The following CELSR1 variants were observed in gnomAD, a reference collection of about 807,000 sequenced individuals.
CELSR1 encodes adhesion G protein-coupled receptor C1.
In CELSR1, 110 loss-of-function variants were observed where a neutral mutation model predicts 249.1. The observed-to-expected ratio is 0.44, with a 90% confidence interval of 0.38 to 0.52. CELSR1 has a LOEUF of 0.52. Among genes scored for constraint, CELSR1 ranks in the 20% least tolerant of loss-of-function variants. The pLI is 0.00. For synonymous variants in CELSR1, 2,113 were observed against 1,900.0 expected (o/e 1.11, Z -2.92); for missense variants, 4,109 against 4,296.4 (o/e 0.96, Z 1.22).
rs1162407015 is a variant in CELSR1, at chr22:46,448,469, CGCTGGGAACGT to C, written c.4184-9069_4184-9059del. ...AGGACCTGGGGGAGGGCTGGGAACG[CGCTGGGAACGT>C]GCCCCAGGAGGGGAAGGGCGTGTAA... On this transcript the variant is annotated intron_variant, in intron 2 of 34. Coordinates refer to ENST00000674500, the MANE Select transcript of CELSR1 (RefSeq NM_001378328.1). The surrounding 1 kb of genome is among the most constrained non-coding windows in gnomAD (Gnocchi z 5.7). The C allele has an allele frequency of 5.5e-6, 2 of 361,942 alleles. No homozygotes were observed. Among genetic ancestry groups the C allele is most frequent in the South Asian group, 2.2e-5 (1 of 46,012 alleles). The allele number at this position is 361,942 out of a possible 1,614,324, so 22.4% of individuals were successfully genotyped here. A position where few individuals can be genotyped will look rare whatever the true frequency, so the allele number is the denominator to read the frequency against.
In CELSR1 at chr22:46,409,022, C is replaced by G. The variant is rs763774925; in HGVS notation, c.5200G>C (p.Gly1734Arg). Residue 1734 changes from glycine (G) to arginine (R), a missense_variant, in exon 9 of 35, where the codon GGT becomes CGT. Around this residue, in one of 7 missense-constraint regions of CELSR1, gnomAD observed 1,805 missense variants for 1,831.6 expected, o/e 0.99. Coordinates refer to ENST00000674500, the MANE Select transcript of CELSR1 (RefSeq NM_001378328.1). This position sits in a 1 kb window ranked among gnomAD's most constrained non-coding sequence, Gnocchi z 9.8. ...TGGAGGCGAAAGCTGGTGGGCCCAC[C>G]ACTGGTGGCCTCCATCAGAACGCTG... ...EDSVLMEATS[G>R]GPTSFRLQIL... is the part of the protein sequence containing the mutation. The G allele has an allele frequency of 5.9e-5, 95 of 1,611,596 alleles. 1 individual carries two copies. The highest frequency in any genetic ancestry group is 4.9e-4 in the South Asian group (44 of 90,676).
chr22:46,507,072 G>C (rs1319318601), intron 1 of CELSR1, among the ~76,000 whole-genome samples: 1 of 152,150 alleles, frequency 6.6e-6, no homozygotes, highest in African/African-American at 2.4e-5. Flanking sequence ...TATAATCCCA[G>C]CTACTCGGGA....
chr22:46,442,441 G>A (rs779682436), intron 2 of CELSR1, among the ~76,000 whole-genome samples: 35 of 152,226 alleles, frequency 2.3e-4, no homozygotes, highest in Non-Finnish European at 4.7e-4. Context: ...CTGAGGCCTT[G>A]TATACCTGCA....
At chr22:46,387,522 G>T (rs2079045376) in intron 18 of CELSR1, among the ~76,000 whole-genome samples, 2 of 145,688 alleles carry the variant, frequency 1.4e-5, no homozygotes, top group Admixed American at 1.3e-4. Flanking sequence ...CCGCCCAGCT[G>T]ATTTTTTTCA....
At chr22:46,503,877 T>A (rs200105821) in intron 1 of CELSR1, among the ~76,000 whole-genome samples, 1,155 of 51,042 alleles carry the variant, frequency 0.023, 19 homozygotes, top group African/African-American at 0.052. Flanking sequence ...AACTAAAAAA[T>A]TTTAAAAGTA....
At chr22:46,504,936 C>T (rs866958560) in intron 1 of CELSR1, among the ~76,000 whole-genome samples, 3 of 152,292 alleles carry the variant, frequency 2.0e-5, no homozygotes, top group African/African-American at 7.2e-5. Context: ...TATTGCAATA[C>T]ATCAACACAG....
At chr22:46,492,118 C>T (rs956362758) in intron 1 of CELSR1, among the ~76,000 whole-genome samples, 2 of 152,186 alleles carry the variant, frequency 1.3e-5, no homozygotes, top group African/African-American at 4.8e-5. Context: ...ATGGCAGAAG[C>T]AGGACGTTCC....
At position 46,390,612 on chromosome 22, in the gene CELSR1, G is replaced by C. The variant is rs1202930503; in HGVS notation, c.6251-126C>G. 1 of 726,076 alleles carries C rather than the reference G, an allele frequency of 1.4e-6. No individual in the cohort carries two copies. The highest frequency in any genetic ancestry group is 2.9e-5 in the East Asian group (1 of 34,380). The allele number at this position is 726,076 out of a possible 1,614,324, so 45.0% of individuals were successfully genotyped here. ...TGCGTGGTGGTTAGAACCCCATGGG[G>C]GCCAGGAGGTCGACACCAGCGCCCC... On this transcript the variant is annotated intron_variant, in intron 16 of 34. Transcript: ENST00000674500. This position sits in a 1 kb window ranked among gnomAD's most constrained non-coding sequence, Gnocchi z 6.3.
In CELSR1 at chr22:46,364,507, G is replaced by C. The variant is rs377317451; in HGVS notation, c.8779+5C>G. On this transcript the variant is annotated splice_donor_5th_base_variant and intron_variant, in intron 33 of 34. Transcript: ENST00000674500. The stretch of plus-strand genomic sequence containing the variant: ...TTTCACTGCAGCCCCGGCCTCCCCA[G>C]GCACCTTTCCTCTGCTCTGGGGGCT... 3.2e-5 allele frequency: 52 copies of C among 1,606,802 alleles called. No individual in the cohort carries two copies. Among genetic ancestry groups the C allele is most frequent in the African/African-American group, 2.7e-4 (20 of 74,786 alleles).
chr22:46,519,753 A>G (rs2080665964), intron 1 of CELSR1, among the ~76,000 whole-genome samples: 1 of 152,180 alleles, frequency 6.6e-6, no homozygotes, highest in African/African-American at 2.4e-5. Context: ...CCTTGCACCC[A>G]GGGCCCCTAA....
intron 1 of CELSR1, among the ~76,000 whole-genome samples, chr22:46,504,792 T>C (rs1472345156): frequency 6.6e-6 from 1 of 152,186 alleles, no homozygotes; most frequent in Non-Finnish European, 1.5e-5. Flanking sequence ...ATTTCACTTC[T>C]GAAAATTTAT....
In CELSR1 at chr22:46,534,233, T is replaced by A; in HGVS notation, c.2938A>T (p.Ser980Cys). Reference sequence around the variant, plus strand: ...GTCACCTGGATTTCTACCGAGGCGCTAAGGGGAGTGGGACTGCCCCGATCC... The same window carrying A: ...GTCACCTGGATTTCTACCGAGGCGCAAAGGGGAGTGGGACTGCCCCGATCC... ...AVDRGSPTPL[S>C]ASVEIQVTIL... Residue 980 changes from serine to cysteine, a missense_variant, in exon 1 of 35, where the codon AGC (serine) becomes TGC (cysteine). By Grantham distance (112) the Ser-to-Cys change is moderately radical. Around this residue, in one of 7 missense-constraint regions of CELSR1, gnomAD observed 886 missense variants for 896.5 expected, o/e 0.99. Coordinates refer to ENST00000674500, the MANE Select transcript of CELSR1 (RefSeq NM_001378328.1). This position sits in a 1 kb window ranked among gnomAD's most constrained non-coding sequence, Gnocchi z 9.7. 6.2e-7 allele frequency: 1 copy of A among 1,613,688 alleles called. No homozygotes were observed. Among genetic ancestry groups the A allele is most frequent in the Non-Finnish European group, 8.5e-7 (1 of 1,180,026 alleles).
At chr22:46,495,348 C>T (rs1266691978) in intron 1 of CELSR1, among the ~76,000 whole-genome samples, 1 of 152,150 alleles carries the variant, frequency 6.6e-6, no homozygotes, top group Non-Finnish European at 1.5e-5. Context: ...ATAGAAAAGG[C>T]ACAGTGAGAA....
At chr22:46,368,536 C>G (rs375322182) in intron 27 of CELSR1, among the ~76,000 whole-genome samples, 1 of 151,702 alleles carries the variant, frequency 6.6e-6, no homozygotes, top group Non-Finnish European at 1.5e-5. Flanking sequence ...AGCCCCTGCG[C>G]AAGCATTATC....
Position 46,535,423 on chromosome 22 carries a change from G to A in CELSR1, c.1748C>T (p.Pro583Leu), listed in dbSNP as rs770314564. 6.2e-7 allele frequency: 1 copy of A among 1,608,080 alleles called. No homozygotes were observed. The highest frequency in any genetic ancestry group is 1.1e-5 in the South Asian group (1 of 90,244). ...GTCCACCGCCTGAATGTGCACCACGGGGTAGCCCAGGGGCACATTCTCCAG... is the reference window on the plus strand; with the variant it reads ...GTCCACCGCCTGAATGTGCACCACGAGGTAGCCCAGGGGCACATTCTCCAG... Reference protein sequence around the residue: ...TVLENVPLGYPVVHIQAVDAD... With the variant: ...TVLENVPLGYLVVHIQAVDAD... Residue 583 changes from proline to leucine, a missense_variant, in exon 1 of 35, where the codon CCC becomes CTC. Around this residue, in one of 7 missense-constraint regions of CELSR1, gnomAD observed 886 missense variants for 896.5 expected, o/e 0.99. Transcript: ENST00000674500.
At position 46,391,932 on chromosome 22, in the gene CELSR1, G is replaced by C; in HGVS notation, c.5965-116C>G. The C allele has an allele frequency of 9.0e-7, 1 of 1,110,498 alleles. No homozygotes were observed. The highest frequency in any genetic ancestry group is 1.5e-5 in the South Asian group (1 of 64,696). 68.8% of individuals were successfully genotyped at this position (1,110,498 alleles called of 1,614,324 possible). On this transcript the variant is annotated intron_variant, in intron 14 of 34. Transcript: ENST00000674500. This position sits in a 1 kb window ranked among gnomAD's most constrained non-coding sequence, Gnocchi z 4.3. ...ACCCGGGTGTGTGTGTTGGCCGCCA[G>C]CCATCCCACCCCTCATGGCTACCCT...
rs1009100560 is a variant in CELSR1 at position 46,454,146 on chromosome 22, G to A, written c.4183+9561C>T. Among the ~76,000 whole-genome samples, 1 of 152,162 alleles carries A rather than the reference G, an allele frequency of 6.6e-6. No homozygotes were observed. The highest frequency in any genetic ancestry group is 2.4e-5 in the African/African-American group (1 of 41,426). On this transcript the variant is annotated intron_variant, in intron 2 of 34. Coordinates refer to ENST00000674500, the MANE Select transcript of CELSR1 (RefSeq NM_001378328.1). The surrounding 1 kb of genome is among the most constrained non-coding windows in gnomAD (Gnocchi z 5.1). ...TGGTGGAAGCAGGGGTCGGAGTGAGGTGAGGAAGGTGCCAGGGACTAAGGA... is the reference window on the plus strand; with the variant it reads ...TGGTGGAAGCAGGGGTCGGAGTGAGATGAGGAAGGTGCCAGGGACTAAGGA...
intron 1 of CELSR1, among the ~76,000 whole-genome samples, chr22:46,516,841 G>A (rs1345004439): frequency 1.3e-5 from 2 of 152,234 alleles, no homozygotes; most frequent in African/African-American, 4.8e-5. Context: ...GTGGGGACTG[G>A]CAGGAAGGCA....
rs917014935 is a variant in CELSR1 at position 46,417,155 on chromosome 22, G to T, written c.4612-5396C>A. The stretch of plus-strand genomic sequence containing the variant: ...CATTTCTCAAGATGACAAAGTTCAG[G>T]CCTGTCTGGCCGACAAATGCCCCAG... On this transcript the variant is annotated intron_variant, in intron 5 of 34. Coordinates refer to ENST00000674500, the MANE Select transcript of CELSR1 (RefSeq NM_001378328.1). This position sits in a 1 kb window ranked among gnomAD's most constrained non-coding sequence, Gnocchi z 4.1. Among the ~76,000 whole-genome samples, 3 of 152,206 alleles carry T rather than the reference G, an allele frequency of 2.0e-5. No individual in the cohort carries two copies. Among genetic ancestry groups the T allele is most frequent in the Non-Finnish European group, 4.4e-5 (3 of 68,038 alleles).
Sources: gnomAD v4.1 joint callset for allele counts (sites outside exome capture counted in the v4.1 genomes callset) on GRCh38, gnomAD v4.1.1 for gene constraint, gnomAD v4.1.1 regional missense constraint, Gnocchi (gnomAD v3.1) non-coding constraint, MANE v1.5 for transcripts, NCBI Gene and HGNC (gene_info 2026-07-23, HGNC 2026-07-21) for gene names.